AKR1C2: variants seen among roughly 807,000 people sequenced by gnomAD.
AKR1C2 encodes aldo-keto reductase family 1 member C2, also known as 3-alpha-HSD3.
Under a neutral mutation model 39.8 loss-of-function variants are expected in AKR1C2, and 27 were observed. That is an observed-to-expected ratio of 0.68 (90% CI 0.50 to 0.93). The LOEUF (loss-of-function observed/expected upper bound fraction) is 0.93. AKR1C2 is among the 40% of genes least tolerant of loss of function. AKR1C2 has a pLI of 0.00. For missense variants in AKR1C2, 263 were observed against 365.1 expected, an observed-to-expected ratio of 0.72 and a Z score of 2.28; for synonymous variants, 114 against 137.9, an observed-to-expected ratio of 0.83 and a Z score of 1.22.
intron 1 of AKR1C2, among the ~76,000 whole-genome samples, chr10:5,014,682 A>G (rs1298953533): frequency 7.2e-5 from 11 of 152,224 alleles, no homozygotes; most frequent in African/African-American, 2.7e-4. Flanking sequence ...CTGTGCAGTC[A>G]GTGAAAGCGT....
intron 7 of AKR1C2, among the ~76,000 whole-genome samples, chr10:4,994,339 T>C (rs1184197904): frequency 9.2e-5 from 14 of 152,136 alleles, no homozygotes; most frequent in Non-Finnish European, 2.1e-4. Context: ...AATGATAGAT[T>C]AATTAGGAAC....
chr10:4,994,633 G>A (rs1325138118), intron 7 of AKR1C2, among the ~76,000 whole-genome samples: 3 of 151,960 alleles, frequency 2.0e-5, no homozygotes, highest in East Asian at 1.9e-4. Flanking sequence ...GGAGAGGGGG[G>A]CACTCACACA....
At chr10:5,013,182 C>A (rs1223745132) in intron 1 of AKR1C2, 1 of 151,916 alleles carries the variant, frequency 6.6e-6, no homozygotes, top group African/African-American at 2.4e-5. Flanking sequence ...TGTGCACCCC[C>A]GAACTTAAAA....
At chr10:5,009,418 AGCTTGCACACCTT>A (rs1279268403) in intron 1 of AKR1C2, among the ~76,000 whole-genome samples, 8 of 152,134 alleles carry the variant, frequency 5.3e-5, no homozygotes. Context: ...GTGACTCAGC[AGCTTGCACACCTT>A]GCGACCACTC....
chr10:5,012,986 ATTC>A (rs1837553956), intron 1 of AKR1C2, among the ~76,000 whole-genome samples: 1 of 152,174 alleles, frequency 6.6e-6, no homozygotes, highest in Non-Finnish European at 1.5e-5. Context: ...TCTGTATCTA[ATTC>A]TTCTCTTCCT....
At position 5,000,102 on chromosome 10, in the gene AKR1C2, T is replaced by C. The variant is rs12764498; in HGVS notation, c.369+448A>G. 0.12 allele frequency: 132,872 copies of C among 1,154,560 alleles called. 8,195 individuals carry two copies. The highest frequency in any genetic ancestry group is 0.18 in the South Asian group (5,472 of 29,942). The allele number at this position is 1,154,560 out of a possible 1,614,324, so 71.5% of individuals were successfully genotyped here. On this transcript the variant is annotated intron_variant, in intron 3 of 8. Coordinates refer to ENST00000380753, the MANE Select transcript of AKR1C2 (RefSeq NM_001393392.1). The stretch of plus-strand genomic sequence containing the variant: ...AAGCAACAAGGTTTCCCATGAAGGT[T>C]TGTAGTTTAAGACATTCCCGGACTG...
intron 1 of AKR1C2, among the ~76,000 whole-genome samples, chr10:5,011,605 A>G (rs1173007140): frequency 6.6e-6 from 1 of 152,242 alleles, no homozygotes; most frequent in Non-Finnish European, 1.5e-5. Context: ...TGCTATAAGC[A>G]CAGATCAATA....
chr10:5,004,619 ACC>A (rs1211065359), upstream of AKR1C2: 2 of 152,364 alleles, frequency 1.3e-5, no homozygotes, highest in African/African-American at 4.8e-5. Context: ...CAAGCCAAAA[ACC>A]TGATAACTAT....
upstream of AKR1C2, among the ~76,000 whole-genome samples, chr10:5,006,778 T>G (rs1294567774): frequency 1.2e-4 from 17 of 141,170 alleles, no homozygotes; most frequent in Non-Finnish European, 2.5e-4. Context: ...AAAAATTATT[T>G]CAGCCTCTTT....
intron 1 of AKR1C2, among the ~76,000 whole-genome samples, chr10:5,011,769 C>G (rs1202892799): frequency 1.3e-5 from 2 of 152,308 alleles, no homozygotes; most frequent in Non-Finnish European, 2.9e-5. Context: ...AGAGGAAACA[C>G]GAGAGACCCA....
intron 8 of AKR1C2, among the ~76,000 whole-genome samples, chr10:4,990,887 T>C (rs1429163783): frequency 6.6e-6 from 1 of 151,376 alleles, no homozygotes; most frequent in Non-Finnish European, 1.5e-5. Context: ...CATTTTCATT[T>C]TGTATTTTCT....
At chr10:5,013,508 TG>T in intron 1 of AKR1C2, 1 of 197,550 alleles carries the variant, frequency 5.1e-6, no homozygotes. Flanking sequence ...TGGTTGTAGG[TG>T]GGCTTGTACT....
intron 3 of AKR1C2, 191 bp downstream of exon 3, chr10:5,000,359 G>A (rs1837220513): frequency 2.6e-6 from 4 of 1,544,406 alleles, no homozygotes; most frequent in African/African-American, 2.8e-5. Context: ...TTGTAGACAT[G>A]CAATCACGGA....
upstream of AKR1C2, chr10:5,004,569 T>C (rs1367101648): frequency 2.6e-5 from 4 of 152,218 alleles, no homozygotes; most frequent in Admixed American, 2.0e-4. Flanking sequence ...GCCTTATTGG[T>C]CTTTTCCAGT....
rs113260834 is a variant in AKR1C2 at position 5,009,677 on chromosome 10, C to T, written c.-87-5755G>A. Among the ~76,000 whole-genome samples, 13 of 152,146 alleles carry T rather than the reference C, an allele frequency of 8.5e-5. No individual in the cohort carries two copies. In the East Asian group the frequency reaches 1.6e-3, roughly 18 times the overall value. On this transcript the variant is annotated intron_variant, in intron 1 of 6. Transcript: ENST00000604507. ...ATGAGAACAGGCATTTCTGTTTTCA[C>T]GCCCCCAAAATTTGCCTTTTGGCCC...
intron 1 of AKR1C2, among the ~76,000 whole-genome samples, chr10:5,014,410 T>C (rs1311928216): frequency 6.6e-6 from 1 of 152,180 alleles, no homozygotes; most frequent in Admixed American, 6.5e-5. Flanking sequence ...TCCTTTTATA[T>C]ATTTTTGCAA....
chr10:4,999,410 A>G, intron 3 of AKR1C2, 133 bp from the exon 4 acceptor site: 22 of 1,592,258 alleles, frequency 1.4e-5, no homozygotes, highest in Non-Finnish European at 1.8e-5. Flanking sequence ...TGGTATGTAC[A>G]AAGTGTACTA....
intron 1 of AKR1C2, among the ~76,000 whole-genome samples, chr10:5,010,993 G>C (rs1357798856): frequency 1.3e-5 from 2 of 150,424 alleles, no homozygotes; most frequent in African/African-American, 4.9e-5. Context: ...TGAGAGAATA[G>C]GAAGAGATGC....
chr10:4,998,778 G>T, intron 4 of AKR1C2, 31 bp from the exon 5 acceptor site: 1 of 1,613,116 alleles, frequency 6.2e-7, no homozygotes, highest in Non-Finnish European at 8.5e-7. Context: ...GGTATCATTT[G>T]TGTAGTCGAC....
Sources: allele counts gnomAD v4.1 joint callset (sites outside exome capture counted in the v4.1 genomes callset), GRCh38; gene constraint gnomAD v4.1.1; transcripts MANE v1.5; gene names NCBI Gene and HGNC (gene_info 2026-07-23, HGNC 2026-07-21).